OPA1: variants seen among roughly 807,000 people sequenced by gnomAD.
OPA1 encodes OPA1 mitochondrial dynamin like GTPase, also known as dynamin-like GTPase OPA1, mitochondrial.
Under a neutral mutation model 152.9 loss-of-function variants are expected in OPA1, and 59 were observed. That is an observed-to-expected ratio of 0.39 (90% CI 0.31 to 0.48). The LOEUF (loss-of-function observed/expected upper bound fraction) is 0.48, where lower values mean the gene tolerates loss of function less well. OPA1 is among the 20% of genes least tolerant of loss of function. The probability of loss-of-function intolerance (pLI) is 0.96; values close to 1 mark genes in which losing one functional copy is unlikely to be tolerated. For missense variants in OPA1, 1,008 were observed against 1,216.8 expected, an observed-to-expected ratio of 0.83 and a Z score of 2.55; for synonymous variants, 400 against 389.9, an observed-to-expected ratio of 1.03 and a Z score of -0.31.
chr3:193,689,161 C>CT lies in OPA1; in HGVS notation c.2984-2900dup, dbSNP rs562070358. On this transcript the variant is annotated intron_variant, in intron 29 of 30. Coordinates refer to ENST00000361510, the MANE Select transcript of OPA1 (RefSeq NM_130837.3). ...ATCATAGCAGAGTAAGCCAGGAATG[C>CT]TTCTCAAAGGTAGGATATCATCTGT... 70 of 152,288 alleles carry CT rather than the reference C, an allele frequency of 4.6e-4. 1 individual carries two copies. Among genetic ancestry groups the CT allele is most frequent in the African/African-American group, 1.6e-3 (67 of 41,558 alleles). The allele number at this position is 152,288 out of a possible 1,614,324, so 9.4% of individuals were successfully genotyped here. A position where few individuals can be genotyped will look rare whatever the true frequency, so the allele number is the denominator to read the frequency against.
chr3:193,635,355 G>T, intron 8 of OPA1, 63 bp from the exon 9 acceptor site: 1 of 980,180 alleles, frequency 1.0e-6, no homozygotes. Flanking sequence ...TTTTAATTTA[G>T]ACTTAATACT....
rs1560301700 is a variant in OPA1 at position 193,596,380 on chromosome 3, CTTTTCTTTTCTGTTCTTTTCTTTTCTT to C, written c.32+2974_32+3000del. On this transcript the variant is annotated intron_variant, in intron 1 of 30. Transcript: ENST00000361510. ...TCTTTTCTTAATTTTCTTTTCTTTT[CTTTTCTTTTCTGTTCTTTTCTTTTCTT>C]TTCTTTTCTTTTCTTTCACACAGGA... 2.7e-5 allele frequency among the ~76,000 whole-genome samples: 2 copies of C among 74,326 alleles called. 1 individual carries two copies. The highest frequency in any genetic ancestry group is 5.2e-5 in the Non-Finnish European group (2 of 38,752). 48.8% of individuals were successfully genotyped at this position (74,326 alleles called of 152,430 possible).
chr3:193,614,979 C>A lies in OPA1; in HGVS notation c.289C>A (p.Leu97Ile). 1 of 1,614,178 alleles carries A rather than the reference C, an allele frequency of 6.2e-7. No individual in the cohort carries two copies. The highest frequency in any genetic ancestry group is 8.5e-7 in the Non-Finnish European group (1 of 1,180,010). ...TTGGCCAGCAAGATTAGCTACGAGA[C>A]TCTTAAAACTTCGCTATCTCATACT... The part of the protein sequence containing the change: ...NFWPARLATR[L>I]LKLRYLILGS... Residue 97 changes from leucine (L) to isoleucine (I), a missense_variant, in exon 2 of 31, where the codon CTC (leucine) becomes ATC (isoleucine). By Grantham distance (5) the Leu-to-Ile change is conservative. This residue lies in a region of OPA1 where 408 missense variants were observed against 395.1 expected (regional missense o/e 1.03). Coordinates refer to ENST00000361510, the MANE Select transcript of OPA1 (RefSeq NM_130837.3).
At chr3:193,642,275 T>G (rs1409217665) in intron 11 of OPA1, among the ~76,000 whole-genome samples, 1 of 152,212 alleles carries the variant, frequency 6.6e-6, no homozygotes, top group Non-Finnish European at 1.5e-5. Context: ...TCTCCCAGCA[T>G]GTGATGAGGT....
intron 3 of OPA1, 25 bp from the exon 4 acceptor site, chr3:193,617,153 C>T (rs1729157751): frequency 7.4e-7 from 1 of 1,348,128 alleles, no homozygotes; most frequent in South Asian, 1.2e-5. Flanking sequence ...TAGTTTCATA[C>T]TCTATATGTT....
At chr3:193,692,204 T>C in intron 30 of OPA1, 72 bp downstream of exon 30, 1 of 814,384 alleles carries the variant, frequency 1.2e-6, no homozygotes, top group South Asian at 1.5e-5. Flanking sequence ...TAGTTTATCA[T>C]TCTGCTTCAT....
chr3:193,615,795 C>A (rs1342627758), intron 3 of OPA1, 25 bp downstream of exon 3: 1 of 1,330,566 alleles, frequency 7.5e-7, no homozygotes, highest in Admixed American at 1.7e-5. Flanking sequence ...CATTAAAATA[C>A]TTTTTTTGGT....
chr3:193,648,407 A>G (rs1210604548), intron 20 of OPA1: 1 of 402,062 alleles, frequency 2.5e-6, no homozygotes, highest in African/African-American at 2.0e-5. Context: ...GTTTTGTAGA[A>G]TTCGTGTATT....
chr3:193,664,971 A>T lies in OPA1; in HGVS notation c.2753A>T (p.Tyr918Phe). 6.3e-7 allele frequency: 1 copy of T among 1,597,852 alleles called. No individual in the cohort carries two copies. The highest frequency in any genetic ancestry group is 8.6e-7 in the Non-Finnish European group (1 of 1,165,782). The change falls in exon 27 of 31, where the codon TAC (tyrosine) becomes TTC (phenylalanine). Residue 918 changes from tyrosine to phenylalanine, a missense_variant. Tyr to Phe is a conservative substitution (Grantham distance 22, BLOSUM62 3). Transcript: ENST00000361510. Reference sequence around the variant, plus strand: ...CTTTGTCGAAGAGGTTTTTATTACTACCAAAGGCATTTTGTAGATTCTGAG... The same window carrying T: ...CTTTGTCGAAGAGGTTTTTATTACTTCCAAAGGCATTTTGTAGATTCTGAG... ...CNLCRRGFYY[Y>F]QRHFVDSELE...
rs763443222 is a variant in OPA1 at position 193,658,995 on chromosome 3, A to G, written c.2440A>G (p.Thr814Ala). 1.9e-6 allele frequency: 3 copies of G among 1,595,502 alleles called. No individual in the cohort carries two copies. Among genetic ancestry groups the G allele is most frequent in the Non-Finnish European group, 2.6e-6 (3 of 1,163,230 alleles). Residue 814 changes from threonine to alanine, a missense_variant and splice_region_variant, in exon 24 of 31, where the codon ACT (threonine) becomes GCT (alanine). Coordinates refer to ENST00000361510, the MANE Select transcript of OPA1 (RefSeq NM_130837.3). ...EEALQARLKD[T>A]ENAIENMVGP... ...GGCTCTGCAGGCTCGTCTCAAGGAT[A>G]GTAAGTGGAGACACGGCTTATTGAG...
chr3:193,676,883 A>AG lies in OPA1; in HGVS notation c.2983+9605dup, dbSNP rs1339118904. ...GTAGTCCCAGCTGCTGGGGAGGCTG[A>AG]GGCAGGAGAATGGCGTGAACCTGGG... On this transcript the variant is annotated intron_variant, in intron 29 of 30. Transcript: ENST00000361510. Among the ~76,000 whole-genome samples the AG allele has an allele frequency of 5.4e-5, 8 of 148,182 alleles. No individual in the cohort carries two copies. In the Middle Eastern group the frequency reaches 0.021, roughly 389 times the overall value.
intron 2 of OPA1, among the ~76,000 whole-genome samples, chr3:193,615,373 A>G (rs1018499568): frequency 2.0e-5 from 3 of 152,208 alleles, no homozygotes; most frequent in African/African-American, 4.8e-5. Context: ...CTGGGACCAG[A>G]GGCAAGGCGT....
intron 29 of OPA1, among the ~76,000 whole-genome samples, chr3:193,690,926 A>G (rs946031828): frequency 1.3e-5 from 2 of 152,110 alleles, no homozygotes; most frequent in Non-Finnish European, 2.9e-5. Context: ...GTGTTTTAAA[A>G]TAGGAGGCCA....
chr3:193,614,233 T>C (rs769589957), intron 1 of OPA1, among the ~76,000 whole-genome samples: 4 of 152,266 alleles, frequency 2.6e-5, no homozygotes, highest in Non-Finnish European at 5.9e-5. Flanking sequence ...TGTTCTAAAC[T>C]GCTAGAAATT....
intron 23 of OPA1, among the ~76,000 whole-genome samples, chr3:193,658,657 G>T (rs893222718): frequency 1.3e-5 from 2 of 152,174 alleles, no homozygotes; most frequent in Non-Finnish European, 2.9e-5. Flanking sequence ...TGGTTAGCTT[G>T]TTTAATTTGG....
At position 193,631,599 on chromosome 3, in the gene OPA1, T is replaced by C. The variant is rs1455345125; in HGVS notation, c.790-13T>C. 4 of 1,595,454 alleles carry C rather than the reference T, an allele frequency of 2.5e-6. No individual in the cohort carries two copies. Among genetic ancestry groups the C allele is most frequent in the Non-Finnish European group, 3.4e-6 (4 of 1,163,456 alleles). On this transcript the variant is annotated splice_polypyrimidine_tract_variant and intron_variant, in intron 7 of 30. Transcript: ENST00000361510. ...CCTAATTCTATTCAACTAAAATTATTTTAAACATTTAGGTGTCAGACAAAG... is the reference window on the plus strand; with the variant it reads ...CCTAATTCTATTCAACTAAAATTATCTTAAACATTTAGGTGTCAGACAAAG...
At chr3:193,604,465 G>T (rs529405351) in intron 1 of OPA1, among the ~76,000 whole-genome samples, 2 of 152,210 alleles carry the variant, frequency 1.3e-5, no homozygotes, top group Non-Finnish European at 2.9e-5. Flanking sequence ...TCTTTTGGTT[G>T]CAGGTCGAGG....
intron 5 of OPA1, among the ~76,000 whole-genome samples, chr3:193,618,259 A>G (rs945927380): frequency 2.0e-5 from 3 of 152,048 alleles, no homozygotes; most frequent in African/African-American, 7.2e-5. Context: ...CAGGCGGATC[A>G]TGAGGTCAGG....
At chr3:193,618,502 GA>G (rs1222829477) in intron 5 of OPA1, 158 of 192,462 alleles carry the variant, frequency 8.2e-4, no homozygotes, top group African/African-American at 3.2e-3. Flanking sequence ...AAAAAGAAAA[GA>G]AAAAAAAATT....
Sources: allele counts gnomAD v4.1 joint callset (sites outside exome capture counted in the v4.1 genomes callset), GRCh38; gene constraint gnomAD v4.1.1; regional missense constraint gnomAD v4.1.1; transcripts MANE v1.5; gene names NCBI Gene and HGNC (gene_info 2026-07-23, HGNC 2026-07-21).